RBFOX1: variants seen among roughly 807,000 people sequenced by gnomAD.
The protein encoded by RBFOX1 is RNA binding fox-1 homolog 1, also known as RNA binding protein fox-1 homolog 1.
A neutral mutation model predicts 57.7 loss-of-function variants in RBFOX1; 8 were observed. That is an observed-to-expected ratio of 0.14 (90% CI 0.08 to 0.25). The LOEUF is 0.25. RBFOX1 is among the 10% of genes least tolerant of loss of function. The pLI is 1.00. For synonymous variants in RBFOX1, 326 were observed against 222.4 expected (o/e 1.47, Z -4.15); for missense variants, 611 against 548.5 (o/e 1.11, Z -1.14).
At position 7,033,462 on chromosome 16, in the gene RBFOX1, G is replaced by T. The variant is rs558779202; in HGVS notation, c.-15-18595G>T. 3.3e-5 allele frequency among the ~76,000 whole-genome samples: 5 copies of T among 152,348 alleles called. No individual in the cohort carries two copies. In the South Asian group the frequency reaches 6.2e-4, roughly 19 times the overall value. ...TTGATCCCGGGAGGCGGAGGTTGCAGTGAGCCAAGATTGCGCCACTGCAGT... is the reference window on the plus strand; with the variant it reads ...TTGATCCCGGGAGGCGGAGGTTGCATTGAGCCAAGATTGCGCCACTGCAGT... On this transcript the variant is annotated intron_variant, in intron 3 of 15. Coordinates refer to ENST00000550418, the MANE Select transcript of RBFOX1 (RefSeq NM_018723.4).
At chr16:7,317,455 C>T (rs1230172700) in intron 4 of RBFOX1, among the ~76,000 whole-genome samples, 1 of 152,114 alleles carries the variant, frequency 6.6e-6, no homozygotes, top group East Asian at 1.9e-4. Flanking sequence ...GTCACCAATC[C>T]AGTGCTATTA....
chr16:5,780,864 G>A (rs537128234), intron 3 of RBFOX1, among the ~76,000 whole-genome samples: 64 of 152,314 alleles, frequency 4.2e-4, no homozygotes, highest in African/African-American at 1.4e-3. Flanking sequence ...AGGTGCCATC[G>A]CTATCTGCAC....
rs1480910490 is a variant in RBFOX1, at chr16:6,275,309, TC to T, written c.-126-41685del. ...CTGGGCGACAGAGTGAGACTCCATC[TC>T]AAAAAAAAAAAGAAAAAGAAAGAAA... On this transcript the variant is annotated intron_variant, in intron 1 of 15. Transcript: ENST00000550418. Among the ~76,000 whole-genome samples, 149 of 10,752 alleles carry T rather than the reference TC, an allele frequency of 0.014. 1 individual carries two copies. The South Asian group carries it at 0.22, about 16-fold the overall frequency. 7.1% of individuals were successfully genotyped at this position (10,752 alleles called of 152,430 possible).
At chr16:5,879,463 G>A (rs76559244) in intron 4 of RBFOX1, among the ~76,000 whole-genome samples, 5,526 of 152,202 alleles carry the variant, frequency 0.036, 138 homozygotes, top group Middle Eastern at 0.065. Flanking sequence ...CTAGGTAACC[G>A]GGACTACAGG....
intron 4 of RBFOX1, among the ~76,000 whole-genome samples, chr16:7,359,891 G>C (rs1282140077): frequency 6.6e-6 from 1 of 152,148 alleles, no homozygotes; most frequent in African/African-American, 2.4e-5. Context: ...GGCTGAGGCA[G>C]GGGAATGGTG....
At position 6,550,636 on chromosome 16, in the gene RBFOX1, A is replaced by C. The variant is rs567464147; in HGVS notation, c.-63-103967A>C. Among the ~76,000 whole-genome samples, 5 of 152,308 alleles carry C rather than the reference A, an allele frequency of 3.3e-5. No individual in the cohort carries two copies. In the East Asian group the frequency reaches 9.7e-4, roughly 29 times the overall value. On this transcript the variant is annotated intron_variant, in intron 2 of 15. Transcript: ENST00000550418. Reference sequence around the variant, plus strand: ...CCACTGTGCCCAGCCTTCATGGCACACTTCTAATTCTTTCCTTCTTCATGA... The same window carrying C: ...CCACTGTGCCCAGCCTTCATGGCACCCTTCTAATTCTTTCCTTCTTCATGA...
chr16:5,861,417 T>C (rs2057209998), intron 3 of RBFOX1, among the ~76,000 whole-genome samples: 1 of 152,228 alleles, frequency 6.6e-6, no homozygotes, highest in Non-Finnish European at 1.5e-5. Context: ...ACAAAGATGA[T>C]GATGGTGGCT....
chr16:6,552,446 T>A (rs1401665847), intron 2 of RBFOX1, among the ~76,000 whole-genome samples: 2 of 152,142 alleles, frequency 1.3e-5, no homozygotes, highest in Non-Finnish European at 2.9e-5. Context: ...TAATGCCCAA[T>A]TCATGTGTTT....
chr16:7,693,455 G>T (rs1168110106), intron 14 of RBFOX1: 2 of 980,432 alleles, frequency 2.0e-6, no homozygotes. Context: ...TGCTGCAGTT[G>T]GTCACTCTAG....
At chr16:6,500,958 C>T (rs1476088455) in intron 2 of RBFOX1, among the ~76,000 whole-genome samples, 3 of 145,324 alleles carry the variant, frequency 2.1e-5, no homozygotes, top group African/African-American at 7.7e-5. Context: ...GCTGGACCAG[C>T]CATGTTCCTG....
chr16:5,764,406 G>T (rs1203005140), intron 3 of RBFOX1, among the ~76,000 whole-genome samples: 2 of 152,176 alleles, frequency 1.3e-5, no homozygotes, highest in Admixed American at 6.5e-5. Flanking sequence ...TGTAAAGCCT[G>T]CAGAACCATG....
chr16:6,749,423 G>T (rs918647963), intron 3 of RBFOX1, among the ~76,000 whole-genome samples: 1 of 152,168 alleles, frequency 6.6e-6, no homozygotes. Flanking sequence ...GGTTCTTGCT[G>T]TTACGGTCAC....
chr16:7,496,440 G>A (rs925533460), intron 4 of RBFOX1, among the ~76,000 whole-genome samples: 1 of 152,186 alleles, frequency 6.6e-6, no homozygotes, highest in Non-Finnish European at 1.5e-5. Flanking sequence ...ACTGTGCCTG[G>A]CCAAGTTTCC....
intron 2 of RBFOX1, among the ~76,000 whole-genome samples, chr16:6,606,777 C>T (rs1045043156): frequency 1.3e-5 from 2 of 152,158 alleles, no homozygotes; most frequent in Admixed American, 6.5e-5. Flanking sequence ...TTTTGGTTGA[C>T]TCCACGTCTT....
At chr16:7,231,197 C>G (rs1170023956) in intron 4 of RBFOX1, among the ~76,000 whole-genome samples, 1 of 152,172 alleles carries the variant, frequency 6.6e-6, no homozygotes, top group Non-Finnish European at 1.5e-5. Context: ...AACAGAACAA[C>G]CGAAAGAGCT....
chr16:7,582,037 C>A (rs59071643), intron 6 of RBFOX1, among the ~76,000 whole-genome samples: 36 of 151,446 alleles, frequency 2.4e-4, no homozygotes, highest in Admixed American at 1.9e-3. Context: ...CCCCCCCCCC[C>A]CCTTTTTTTT....
chr16:7,457,657 C>T (rs1484506611), intron 4 of RBFOX1, among the ~76,000 whole-genome samples: 2 of 152,078 alleles, frequency 1.3e-5, no homozygotes, highest in Admixed American at 6.5e-5. Context: ...ATCCCCTTTG[C>T]TTGGTTTGAG....
intron 3 of RBFOX1, among the ~76,000 whole-genome samples, chr16:5,796,187 A>C (rs547392685): frequency 2.0e-4 from 30 of 152,340 alleles, no homozygotes; most frequent in Middle Eastern, 3.4e-3. Flanking sequence ...CCTGATGTCA[A>C]GTGGATCCAC....
chr16:7,706,889 C>G (rs1318508644), intron 14 of RBFOX1, among the ~76,000 whole-genome samples: 5 of 152,146 alleles, frequency 3.3e-5, no homozygotes, highest in Non-Finnish European at 5.9e-5. Flanking sequence ...GGAGTGAGCT[C>G]TCTGAATATA....
Sources: allele counts gnomAD v4.1 joint callset (sites outside exome capture counted in the v4.1 genomes callset), GRCh38; gene constraint gnomAD v4.1.1; transcripts MANE v1.5; gene names NCBI Gene and HGNC (gene_info 2026-07-23, HGNC 2026-07-21).